Variants in PALMD observed in about 807,000 individuals in gnomAD.
PALMD encodes the protein palmdelphin, also known as paralemmin-like protein.
In PALMD, 42 loss-of-function variants were observed where a neutral mutation model predicts 56.2. The ratio of observed to expected loss-of-function variants is 0.75; its 90% CI spans 0.58 to 0.97. The LOEUF (loss-of-function observed/expected upper bound fraction) is 0.97. Ranked by LOEUF, PALMD falls within the 50% of genes least tolerant of loss-of-function variation. The pLI is 0.00. For missense variants in PALMD, 660 were observed against 643.8 expected, an observed-to-expected ratio of 1.03 and a Z score of -0.27; for synonymous variants, 242 against 222.9, an observed-to-expected ratio of 1.09 and a Z score of -0.76.
intron 3 of PALMD, 84 bp downstream of exon 3, chr1:99,667,850 C>T: frequency 8.4e-7 from 1 of 1,194,228 alleles, no homozygotes; most frequent in Non-Finnish European, 1.2e-6. Flanking sequence ...TTCTCACTTT[C>T]AGGGGCATAA....
At position 99,689,597 on chromosome 1, in the gene PALMD, TG is replaced by T; in HGVS notation, c.1338del (p.Ile447LeufsTer20). Reference sequence around the variant, plus strand: ...GGGATCATCCATGCTGAGCTGGTTGTGATTGATGATGAGGAGGAGGAGGATG... The same window carrying T: ...GGGATCATCCATGCTGAGCTGGTTGTATTGATGATGAGGAGGAGGAGGATG... The part of the protein sequence containing the change: ...YDGIIHAELV[V>X]IDDEEEEDEG... On this transcript the variant is annotated frameshift_variant, in exon 7 of 8. Transcript: ENST00000263174. LOFTEE classifies it high-confidence loss of function. 1 of 1,613,804 alleles carries T rather than the reference TG, an allele frequency of 6.2e-7. No individual in the cohort carries two copies.
chr1:99,692,502 G>C (rs1653671094), intron 7 of PALMD, among the ~76,000 whole-genome samples: 1 of 152,132 alleles, frequency 6.6e-6, no homozygotes, highest in Non-Finnish European at 1.5e-5. Flanking sequence ...TTGCCAACAT[G>C]CTCTGGCCCC....
intron 3 of PALMD, among the ~76,000 whole-genome samples, chr1:99,679,605 G>A (rs966100857): frequency 2.6e-5 from 4 of 152,162 alleles, no homozygotes; most frequent in Admixed American, 6.5e-5. Context: ...TTACACACTC[G>A]TGGGCCCCAG....
At chr1:99,656,137 ATAG>A (rs751014997) in intron 1 of PALMD, among the ~76,000 whole-genome samples, 1 of 152,134 alleles carries the variant, frequency 6.6e-6, no homozygotes, top group Non-Finnish European at 1.5e-5. Context: ...ATTTTTTTAA[ATAG>A]TAGCTCTCTT....
intron 3 of PALMD, among the ~76,000 whole-genome samples, chr1:99,675,971 A>G (rs752914332): frequency 2.6e-5 from 4 of 152,206 alleles, no homozygotes; most frequent in Non-Finnish European, 4.4e-5. Flanking sequence ...CTATTCACAT[A>G]TAATCAGTCA....
chr1:99,650,434 A>G (rs1316328716), intron 1 of PALMD, among the ~76,000 whole-genome samples: 1 of 152,168 alleles, frequency 6.6e-6, no homozygotes, highest in Non-Finnish European at 1.5e-5. Context: ...CTTTACATAA[A>G]ACAGAAATCT....
chr1:99,646,206 C>A lies in PALMD; in HGVS notation c.-112C>A. ...TCTATTTCTCCACTGGTGCAAAGAG[C>A]GGATTTCTCCCTGCTTCTCTTCTGT... is the stretch of plus-strand genomic sequence containing the variant. On this transcript the variant is annotated 5_prime_UTR_variant, in exon 1 of 8. Coordinates refer to ENST00000263174, the MANE Select transcript of PALMD (RefSeq NM_017734.5). 2 of 826,252 alleles carry A rather than the reference C, an allele frequency of 2.4e-6. 1 individual carries two copies. The highest frequency in any genetic ancestry group is 5.1e-4 in the Middle Eastern group (2 of 3,902). 51.2% of individuals were successfully genotyped at this position (826,252 alleles called of 1,614,324 possible).
At chr1:99,656,548 C>T (rs1239284144) in intron 1 of PALMD, among the ~76,000 whole-genome samples, 2 of 152,134 alleles carry the variant, frequency 1.3e-5, no homozygotes, top group Non-Finnish European at 2.9e-5. Context: ...TGAAAACATT[C>T]AACTATTTTA....
intron 3 of PALMD, among the ~76,000 whole-genome samples, chr1:99,676,700 G>T (rs1338230839): frequency 6.6e-6 from 1 of 151,842 alleles, no homozygotes; most frequent in Non-Finnish European, 1.5e-5. Context: ...GCTTAGTGAA[G>T]AAAATATGCC....
At chr1:99,686,857 T>C in intron 4 of PALMD, 67 bp downstream of exon 4, 1 of 1,373,068 alleles carries the variant, frequency 7.3e-7, no homozygotes, top group Non-Finnish European at 1.0e-6. Context: ...CTATATAATT[T>C]TTCAAAGCAT....
chr1:99,689,927 T>G, intron 7 of PALMD, 55 bp downstream of exon 7: 10 of 1,504,720 alleles, frequency 6.6e-6, no homozygotes, highest in African/African-American at 1.4e-5. Flanking sequence ...CCAGCTTCTC[T>G]TGTGCTAATG....
At chr1:99,667,882 C>CAT in intron 3 of PALMD, 116 bp downstream of exon 3, 1 of 714,878 alleles carries the variant, frequency 1.4e-6, no homozygotes, top group East Asian at 3.2e-5. Context: ...ATTTGAATTT[C>CAT]TTTTTTTTTT....
chr1:99,683,147 A>G (rs1653408708), intron 3 of PALMD: 1 of 125,494 alleles, frequency 8.0e-6, no homozygotes, highest in African/African-American at 4.2e-5. Context: ...AGAAAGAAAG[A>G]AAGAAAGAAA....
chr1:99,690,163 T>G, intron 7 of PALMD: 1 of 416,486 alleles, frequency 2.4e-6, no homozygotes. Context: ...TGAGTGTATT[T>G]GGGTCACTAA....
intron 3 of PALMD, among the ~76,000 whole-genome samples, chr1:99,670,089 T>G (rs1178239748): frequency 1.3e-5 from 2 of 152,220 alleles, no homozygotes; most frequent in African/African-American, 4.8e-5. Flanking sequence ...AGAAAATCTT[T>G]GAAGTGTGTT....
chr1:99,686,897 G>A (rs758358115), intron 4 of PALMD, 33 bp from the exon 5 acceptor site: 1 of 1,476,408 alleles, frequency 6.8e-7, no homozygotes. Context: ...TTTTTAAACT[G>A]TATTAATCAT....
intron 3 of PALMD, among the ~76,000 whole-genome samples, chr1:99,682,567 C>T (rs899630399): frequency 6.6e-6 from 1 of 152,092 alleles, no homozygotes; most frequent in African/African-American, 2.4e-5. Context: ...TGGGATGAAT[C>T]ATATGGCATT....
intron 3 of PALMD, among the ~76,000 whole-genome samples, chr1:99,679,375 A>G (rs1653287025): frequency 6.6e-6 from 1 of 152,194 alleles, no homozygotes; most frequent in African/African-American, 2.4e-5. Context: ...ATAAAGTGGC[A>G]TTAGCTTAGG....
intron 3 of PALMD, among the ~76,000 whole-genome samples, chr1:99,672,499 T>C (rs1199617354): frequency 1.3e-5 from 2 of 152,162 alleles, no homozygotes; most frequent in Non-Finnish European, 2.9e-5. Context: ...CCTAACACTT[T>C]CCTTGCTCTC....
Sources: gnomAD v4.1 joint callset for allele counts (sites outside exome capture counted in the v4.1 genomes callset) on GRCh38, gnomAD v4.1.1 for gene constraint, MANE v1.5 for transcripts, NCBI Gene and HGNC (gene_info 2026-07-23, HGNC 2026-07-21) for gene names.